Variants in ARNT observed in about 807,000 individuals in gnomAD.
ARNT encodes class E basic helix-loop-helix protein 2.
A neutral mutation model predicts 105.0 loss-of-function variants in ARNT; 30 were observed. That is an observed-to-expected ratio of 0.29 (90% CI 0.21 to 0.39). ARNT has a LOEUF of 0.39. Among genes scored for constraint, ARNT ranks in the 10% least tolerant of loss-of-function variants. The probability of loss-of-function intolerance (pLI) is 1.00; values close to 1 mark genes in which losing one functional copy is unlikely to be tolerated. For synonymous variants in ARNT, 304 were observed against 344.0 expected, an observed-to-expected ratio of 0.88 and a Z score of 1.29; for missense variants, 748 against 978.7, an observed-to-expected ratio of 0.76 and a Z score of 3.15.
chr1:150,854,328 C>T (rs140096661), intron 2 of ARNT, among the ~76,000 whole-genome samples: 184 of 152,248 alleles, frequency 1.2e-3, no homozygotes, highest in African/African-American at 4.2e-3. Flanking sequence ...GAGGCCAAGG[C>T]GAGCAGACTA....
chr1:150,842,222 A>G, intron 5 of ARNT: 1 of 979,932 alleles, frequency 1.0e-6, no homozygotes, highest in Non-Finnish European at 1.2e-6. Context: ...TAAATCCCTA[A>G]GCAAAGTTCC....
At chr1:150,826,431 T>C (rs1658283395) in intron 13 of ARNT, 112 bp downstream of exon 13, 1 of 814,192 alleles carries the variant, frequency 1.2e-6, no homozygotes, top group Non-Finnish European at 2.0e-6. Flanking sequence ...GATTAACTAC[T>C]AAAGAACATA....
intron 20 of ARNT, 94 bp downstream of exon 20, chr1:150,813,983 T>C (rs1655296953): frequency 6.8e-7 from 1 of 1,469,022 alleles, no homozygotes; most frequent in Admixed American, 1.9e-5. Flanking sequence ...ATCAGGTCAG[T>C]GTACCCACAA....
chr1:150,875,749 C>T (rs1267261723), intron 1 of ARNT, among the ~76,000 whole-genome samples: 1 of 152,170 alleles, frequency 6.6e-6, no homozygotes, highest in Non-Finnish European at 1.5e-5. Flanking sequence ...CAGACCAAAC[C>T]TTTTTGATAT....
intron 15 of ARNT, among the ~76,000 whole-genome samples, 157 bp downstream of exon 15, chr1:150,817,763 C>G (rs1017791028): frequency 6.1e-5 from 9 of 148,420 alleles, no homozygotes; most frequent in African/African-American, 2.2e-4. Flanking sequence ...GAGCCTAGAT[C>G]GTGCCATTGT....
At chr1:150,839,328 T>A in intron 6 of ARNT, 113 bp downstream of exon 6, 1 of 1,036,884 alleles carries the variant, frequency 9.6e-7, no homozygotes, top group Non-Finnish European at 1.4e-6. Flanking sequence ...TTGAAATTCG[T>A]TTTCCCATTG....
intron 6 of ARNT, among the ~76,000 whole-genome samples, chr1:150,838,826 T>C (rs775752139): frequency 4.6e-5 from 7 of 152,252 alleles, no homozygotes; most frequent in Non-Finnish European, 8.8e-5. Flanking sequence ...TCAGTATGTC[T>C]ATCTAGTCCC....
chr1:150,818,081 G>T, intron 14 of ARNT, 51 bp from the exon 15 acceptor site: 2 of 1,160,302 alleles, frequency 1.7e-6, no homozygotes, highest in South Asian at 1.4e-5. Flanking sequence ...GAGGAAGGGG[G>T]GAGAGAGAGA....
chr1:150,851,228 T>C (rs1663430030), intron 3 of ARNT, among the ~76,000 whole-genome samples: 1 of 134,112 alleles, frequency 7.5e-6, no homozygotes, highest in Non-Finnish European at 1.6e-5. Context: ...AGCCGCCCCA[T>C]CCGGGAGGGT....
intron 9 of ARNT, 87 bp from the exon 10 acceptor site, chr1:150,831,990 T>A: frequency 1.1e-6 from 1 of 908,726 alleles, no homozygotes; most frequent in Non-Finnish European, 1.7e-6. Flanking sequence ...CTTTTAAGTT[T>A]ATGCTCTTAG....
chr1:150,842,772 A>G (rs1661517338), intron 4 of ARNT, among the ~76,000 whole-genome samples: 1 of 152,206 alleles, frequency 6.6e-6, no homozygotes, highest in African/African-American at 2.4e-5. Context: ...GTAAATTAAC[A>G]TGATCTAAAC....
chr1:150,842,337 G>C, intron 5 of ARNT, 87 bp downstream of exon 5: 3 of 1,538,438 alleles, frequency 2.0e-6, no homozygotes, highest in Non-Finnish European at 2.6e-6. Flanking sequence ...AATACAAAGA[G>C]AAAGGGGAAG....
rs745426616 is a variant in ARNT at position 150,826,603 on chromosome 1, C to A, written c.1182G>T (p.Lys394Asn). 9 of 1,611,634 alleles carry A rather than the reference C, an allele frequency of 5.6e-6. No individual in the cohort carries two copies. The Admixed American group carries it at 1.0e-4, about 18-fold the overall frequency. ...VGYQPQELLG[K>N]NIVEFCHPED... ...CAGGATGACAGAATTCTACAATATT[C>A]TTTCCTAAGAGTTCCTAGAATACAG... The change falls in exon 13 of 22, where the codon AAG becomes AAT. Residue 394 changes from lysine to asparagine, a missense_variant. Coordinates refer to ENST00000358595, the MANE Select transcript of ARNT (RefSeq NM_001668.4).
intron 6 of ARNT, 56 bp downstream of exon 6, chr1:150,839,385 C>T: frequency 6.3e-7 from 1 of 1,584,160 alleles, no homozygotes; most frequent in Non-Finnish European, 8.6e-7. Flanking sequence ...AAAACGAAAA[C>T]TTTCAAGAGA....
chr1:150,813,930 G>C, intron 20 of ARNT, 147 bp downstream of exon 20: 3 of 1,135,042 alleles, frequency 2.6e-6, no homozygotes, highest in African/African-American at 1.6e-5. Flanking sequence ...CCAGCTGGTA[G>C]GTTTTAAATT....
intron 2 of ARNT, among the ~76,000 whole-genome samples, chr1:150,857,638 T>C (rs1200020370): frequency 1.3e-5 from 2 of 152,178 alleles, no homozygotes; most frequent in African/African-American, 4.8e-5. Context: ...AATAAAATAG[T>C]GCCCATTCTT....
At chr1:150,828,286 G>A (rs1658658641) in intron 12 of ARNT, among the ~76,000 whole-genome samples, 1 of 148,670 alleles carries the variant, frequency 6.7e-6, no homozygotes, top group South Asian at 2.1e-4. Context: ...CCTCTAAGCT[G>A]ATTTTTGTAA....
chr1:150,859,435 C>T (rs1175109894), intron 1 of ARNT, among the ~76,000 whole-genome samples: 1 of 151,798 alleles, frequency 6.6e-6, no homozygotes, highest in African/African-American at 2.4e-5. Context: ...CAGCCTCAAC[C>T]TCCCGGGCTC....
At position 150,818,029 on chromosome 1, in the gene ARNT, T is replaced by C; in HGVS notation, c.1396A>G (p.Asn466Asp). Residue 466 changes from asparagine (N) to aspartate (D), a missense_variant and splice_region_variant, in exon 15 of 22, where the codon AAC (asparagine) becomes GAC (aspartate). Coordinates refer to ENST00000358595, the MANE Select transcript of ARNT (RefSeq NM_001668.4). ...YIICTNTNVKNSSQEPRPTLS... is the reference protein window; with the variant it reads ...YIICTNTNVKDSSQEPRPTLS... ...GTAGGCCGTGGTTCTTGGCTAGAGTTCCTAGGAAACCAGAGTAGACAGTAA... is the reference window on the plus strand; with the variant it reads ...GTAGGCCGTGGTTCTTGGCTAGAGTCCCTAGGAAACCAGAGTAGACAGTAA... 6.3e-7 allele frequency: 1 copy of C among 1,590,914 alleles called. No individual in the cohort carries two copies. Among genetic ancestry groups the C allele is most frequent in the Non-Finnish European group, 8.6e-7 (1 of 1,168,388 alleles).
Sources: gnomAD v4.1 joint callset for allele counts (sites outside exome capture counted in the v4.1 genomes callset) on GRCh38, gnomAD v4.1.1 for gene constraint, MANE v1.5 for transcripts, NCBI Gene and HGNC (gene_info 2026-07-23, HGNC 2026-07-21) for gene names.